Variants in STK4 observed in about 807,000 individuals in gnomAD.
The protein encoded by STK4 is serine/threonine-protein kinase 4.
Under a neutral mutation model 64.9 loss-of-function variants are expected in STK4, and 30 were observed. That is an observed-to-expected ratio of 0.46 (90% CI 0.35 to 0.63). The LOEUF (loss-of-function observed/expected upper bound fraction) is 0.63. Among genes scored for constraint, STK4 ranks in the 20% least tolerant of loss-of-function variants. The pLI, the probability that STK4 is intolerant of heterozygous loss-of-function variation, is 0.01. For missense variants in STK4, 466 were observed against 598.5 expected (o/e 0.78, Z 2.31); for synonymous variants, 177 against 199.0 (o/e 0.89, Z 0.93).
At chr20:45,043,254 T>C (rs1423174514) in intron 10 of STK4, among the ~76,000 whole-genome samples, 1 of 152,252 alleles carries the variant, frequency 6.6e-6, no homozygotes, top group Non-Finnish European at 1.5e-5. Flanking sequence ...CAGTCTATCA[T>C]TGATGAACAT....
In STK4 at chr20:45,054,559, CTT is replaced by C. The variant is rs776492833; in HGVS notation, c.1306-20442_1306-20441del. On this transcript the variant is annotated intron_variant, in intron 10 of 10. Coordinates refer to ENST00000372806, the MANE Select transcript of STK4 (RefSeq NM_006282.5). ...CCTGGGCAACAGTGGGACACCCTAT[CTT>C]TTTTTTTTTTTTTTTTCAAAAAAAA... 2.3e-3 allele frequency among the ~76,000 whole-genome samples: 165 copies of C among 71,670 alleles called. 3 individuals carry two copies. Among genetic ancestry groups the C allele is most frequent in the Middle Eastern group, 0.012 (1 of 82 alleles). The allele number at this position is 71,670 out of a possible 152,430, so 47.0% of individuals were successfully genotyped here.
At chr20:44,969,985 A>G (rs1206252125) in intron 1 of STK4, among the ~76,000 whole-genome samples, 1 of 152,194 alleles carries the variant, frequency 6.6e-6, no homozygotes, top group Non-Finnish European at 1.5e-5. Flanking sequence ...CCATTTCACA[A>G]ATATATTTTG....
chr20:44,993,910 C>T (rs967620034), intron 5 of STK4, among the ~76,000 whole-genome samples: 6 of 150,906 alleles, frequency 4.0e-5, no homozygotes, highest in Admixed American at 6.6e-5. Flanking sequence ...ACCCCAGGGG[C>T]GGAGGTTGCA....
At chr20:45,007,938 TC>T (rs2067978348) in intron 9 of STK4, 2 of 222,384 alleles carry the variant, frequency 9.0e-6, no homozygotes, top group Admixed American at 1.0e-4. Context: ...CATGTTTATA[TC>T]CATGTGTGCT....
chr20:45,039,720 C>T (rs1224587180), intron 10 of STK4, among the ~76,000 whole-genome samples: 1 of 152,088 alleles, frequency 6.6e-6, no homozygotes, highest in African/African-American at 2.4e-5. Context: ...ATTAAAAAGA[C>T]ATGAACTTTT....
chr20:45,047,268 C>A (rs943832023), intron 10 of STK4, among the ~76,000 whole-genome samples: 1 of 152,132 alleles, frequency 6.6e-6, no homozygotes, highest in South Asian at 2.1e-4. Context: ...GGCTTTGAGG[C>A]GCTAGGTGAC....
Position 45,001,261 on chromosome 20 carries a change from A to T in STK4, c.1055A>T (p.Asn352Ile). ...GCCAGCACCATGACTGATGGAGCCA[A>T]TACTATGATTGAGCACGATGACACG... ...RVASTMTDGA[N>I]TMIEHDDTLP... Residue 352 changes from asparagine (N) to isoleucine (I), a missense_variant, in exon 9 of 11, where the codon AAT becomes ATT. By Grantham distance (149) the Asn-to-Ile change is moderately radical. This residue lies in a region of STK4 where 276 missense variants were observed against 308.9 expected (regional missense o/e 0.89). Coordinates refer to ENST00000372806, the MANE Select transcript of STK4 (RefSeq NM_006282.5). 1 of 1,614,222 alleles carries T rather than the reference A, an allele frequency of 6.2e-7. No homozygotes were observed. The highest frequency in any genetic ancestry group is 8.5e-7 in the Non-Finnish European group (1 of 1,180,022).
chr20:45,011,875 T>C (rs2068057527), intron 9 of STK4, among the ~76,000 whole-genome samples: 1 of 151,336 alleles, frequency 6.6e-6, no homozygotes, highest in African/African-American at 2.4e-5. Context: ...TCTGTTTTAT[T>C]TTTCCATCTG....
chr20:45,057,890 A>G (rs1291467450), intron 10 of STK4, among the ~76,000 whole-genome samples: 1 of 152,202 alleles, frequency 6.6e-6, no homozygotes, highest in East Asian at 1.9e-4. Flanking sequence ...TGATTATACC[A>G]ATTAAACAGT....
intron 10 of STK4, among the ~76,000 whole-genome samples, chr20:45,037,803 CATTT>C (rs2068551400): frequency 6.6e-6 from 1 of 152,102 alleles, no homozygotes; most frequent in African/African-American, 2.4e-5. Flanking sequence ...GTCAGTTACT[CATTT>C]ATTATTAGGT....
At chr20:45,038,685 A>G (rs2068565560) in intron 10 of STK4, among the ~76,000 whole-genome samples, 1 of 152,050 alleles carries the variant, frequency 6.6e-6, no homozygotes, top group Non-Finnish European at 1.5e-5. Flanking sequence ...AGAGGTCCTC[A>G]GGACCGCTTC....
At position 45,000,502 on chromosome 20, in the gene STK4, G is replaced by A; in HGVS notation, c.942G>A (p.Gln314=). 3 of 1,614,010 alleles carry A rather than the reference G, an allele frequency of 1.9e-6. No homozygotes were observed. Among genetic ancestry groups the A allele is most frequent in the Non-Finnish European group, 2.5e-6 (3 of 1,179,934 alleles). The change falls in exon 8 of 11, where the codon CAG becomes CAA. Residue 314 remains glutamine, a synonymous_variant. Transcript: ENST00000372806. ...AATCCCAGCAGCGGGAAGTGGACCA[G>A]GACGATGAAGAAAACTCAGTGAGTG... ...RQESQQREVD[Q]DDEENSEEDE... is the part of the protein sequence containing the mutation.
chr20:45,070,534 A>T (rs931312438), intron 10 of STK4, among the ~76,000 whole-genome samples: 7 of 152,144 alleles, frequency 4.6e-5, no homozygotes, highest in African/African-American at 1.7e-4. Flanking sequence ...GGGAGTAAGG[A>T]GACAAGATTT....
chr20:44,995,374 G>A, intron 6 of STK4, 117 bp downstream of exon 6: 1 of 1,242,122 alleles, frequency 8.1e-7, no homozygotes, highest in Non-Finnish European at 1.1e-6. Flanking sequence ...GGGAGGCTGA[G>A]GTGGATGGAT....
At chr20:45,026,775 C>G (rs1213654173) in intron 10 of STK4, among the ~76,000 whole-genome samples, 1 of 152,104 alleles carries the variant, frequency 6.6e-6, no homozygotes, top group African/African-American at 2.4e-5. Flanking sequence ...ATTTACTATT[C>G]AAAGGTGGCA....
intron 9 of STK4, among the ~76,000 whole-genome samples, chr20:45,006,451 T>TA (rs544974673): frequency 0.012 from 1,783 of 151,414 alleles, 32 homozygotes; most frequent in African/African-American, 0.041. Flanking sequence ...AATTTCCCTT[T>TA]AAAAAAAAAC....
At chr20:45,057,765 G>A (rs1311196430) in intron 10 of STK4, among the ~76,000 whole-genome samples, 1 of 152,168 alleles carries the variant, frequency 6.6e-6, no homozygotes, top group Non-Finnish European at 1.5e-5. Flanking sequence ...GGAGTATAGT[G>A]TTTAAACCTT....
intron 10 of STK4, among the ~76,000 whole-genome samples, chr20:45,034,220 G>A (rs1276282729): frequency 2.6e-5 from 4 of 151,860 alleles, no homozygotes; most frequent in Admixed American, 6.6e-5. Flanking sequence ...AAAGATAAAA[G>A]CAGAATTTAA....
chr20:45,048,072 T>C (rs965445023), intron 10 of STK4, among the ~76,000 whole-genome samples: 3 of 152,176 alleles, frequency 2.0e-5, no homozygotes, highest in African/African-American at 7.2e-5. Flanking sequence ...ATATATAAGG[T>C]TCTTTTCCTG....
Sources: gnomAD v4.1 joint callset for allele counts (sites outside exome capture counted in the v4.1 genomes callset) on GRCh38, gnomAD v4.1.1 for gene constraint, gnomAD v4.1.1 regional missense constraint, MANE v1.5 for transcripts, NCBI Gene and HGNC (gene_info 2026-07-23, HGNC 2026-07-21) for gene names.